AMD1: variants seen among roughly 807,000 people sequenced by gnomAD.
AMD1 encodes the protein adenosylmethionine decarboxylase 1, also known as S-adenosylmethionine decarboxylase proenzyme.
In AMD1, 11 loss-of-function variants were observed where a neutral mutation model predicts 40.2. The observed-to-expected ratio is 0.27, with a 90% confidence interval of 0.17 to 0.45. The LOEUF (loss-of-function observed/expected upper bound fraction) is 0.45, where lower values mean the gene tolerates loss of function less well. Ranked by LOEUF, AMD1 falls within the 20% of genes least tolerant of loss-of-function variation. The pLI is 1.00. For missense variants in AMD1, 257 were observed against 410.2 expected (o/e 0.63, Z 3.23); for synonymous variants, 121 against 130.8 (o/e 0.93, Z 0.51).
the AMD1 span, among the ~76,000 whole-genome samples, chr6:110,837,747 T>TAA: frequency 1.4e-5 from 1 of 71,348 alleles, no homozygotes; most frequent in African/African-American, 5.8e-5. Context: ...AAAAAAAAAA[T>TAA]ATATATATAT....
chr6:110,889,175 T>C, intron 3 of AMD1, 192 bp downstream of exon 3: 1 of 446,764 alleles, frequency 2.2e-6, no homozygotes, highest in Admixed American at 4.7e-5. Flanking sequence ...GAGAATGAGT[T>C]AGGATGAAAT....
the AMD1 span, among the ~76,000 whole-genome samples, chr6:110,823,879 A>G: frequency 4.7e-4 from 72 of 152,368 alleles, no homozygotes; most frequent in Non-Finnish European, 8.4e-4. Context: ...TGACACAAAC[A>G]AATGGAAATA....
At chr6:110,839,931 A>G in the AMD1 span, among the ~76,000 whole-genome samples, 1 of 152,076 alleles carries the variant, frequency 6.6e-6, no homozygotes, top group Admixed American at 6.6e-5. Flanking sequence ...TTTCCATAAA[A>G]ATGTGCCTGC....
chr6:110,891,720 ACTGTT>A, intron 4 of AMD1: 2 of 178,010 alleles, frequency 1.1e-5, no homozygotes, highest in South Asian at 1.2e-4. Flanking sequence ...GAATTTACCT[ACTGTT>A]TCCATTCCTT....
chr6:110,863,093 C>T, the AMD1 span, among the ~76,000 whole-genome samples: 1 of 152,030 alleles, frequency 6.6e-6, no homozygotes, highest in South Asian at 2.1e-4. Context: ...TACAGGCACC[C>T]ACCACCACGC....
chr6:110,858,419 TG>T, the AMD1 span: 2 of 858,132 alleles, frequency 2.3e-6, no homozygotes, highest in South Asian at 2.7e-5. Context: ...GATTAGTTTA[TG>T]GACACTCATG....
At chr6:110,817,080 C>A in the AMD1 span, among the ~76,000 whole-genome samples, 1 of 152,128 alleles carries the variant, frequency 6.6e-6, no homozygotes, top group Middle Eastern at 3.2e-3. Flanking sequence ...TAATGGTGAG[C>A]CTAATGTCCC....
the AMD1 span, among the ~76,000 whole-genome samples, chr6:110,819,682 A>T: frequency 6.6e-6 from 1 of 152,104 alleles, no homozygotes; most frequent in Non-Finnish European, 1.5e-5. Context: ...AACCACAGTG[A>T]CTCCATCTTG....
chr6:110,846,861 C>A, the AMD1 span, among the ~76,000 whole-genome samples: 1 of 151,750 alleles, frequency 6.6e-6, no homozygotes, highest in Non-Finnish European at 1.5e-5. Flanking sequence ...CAGAGCAAGA[C>A]TCTGTCTCAA....
At chr6:110,876,137 G>A (rs1278371401) in intron 1 of AMD1, among the ~76,000 whole-genome samples, 1 of 152,210 alleles carries the variant, frequency 6.6e-6, no homozygotes, top group Non-Finnish European at 1.5e-5. Context: ...AGAGATACTT[G>A]GGCTGACCGC....
At chr6:110,834,615 G>C in the AMD1 span, among the ~76,000 whole-genome samples, 6 of 152,028 alleles carry the variant, frequency 3.9e-5, no homozygotes, top group African/African-American at 1.2e-4. Flanking sequence ...TTGAGCTCAG[G>C]AGTTCAAGAT....
At chr6:110,857,511 C>T in the AMD1 span, among the ~76,000 whole-genome samples, 1 of 132,746 alleles carries the variant, frequency 7.5e-6, no homozygotes, top group Non-Finnish European at 1.7e-5. Context: ...CCAGCCTGGG[C>T]AACAAGTGAA....
chr6:110,892,722 T>TA lies in AMD1; in HGVS notation c.616-13_616-12insA. On this transcript the variant is annotated splice_polypyrimidine_tract_variant and intron_variant, in intron 6 of 8. Coordinates refer to ENST00000368885, the MANE Select transcript of AMD1 (RefSeq NM_001634.6). ...TCAAACCCTTGTTAAACTCGGTCTT[T>TA]TTCCCCCCCCAGGAGAGTGGAATTC... 1.3e-6 allele frequency: 2 copies of TA among 1,509,768 alleles called. No individual in the cohort carries two copies. The highest frequency in any genetic ancestry group is 1.8e-6 in the Non-Finnish European group (2 of 1,131,848). 93.5% of individuals were successfully genotyped at this position (1,509,768 alleles called of 1,614,324 possible). A position where few individuals can be genotyped will look rare whatever the true frequency, so the allele number is the denominator to read the frequency against.
the AMD1 span, chr6:110,815,542 C>G: frequency 1.3e-5 from 2 of 158,008 alleles, no homozygotes; most frequent in Non-Finnish European, 1.4e-5. Context: ...GCGGTTTTGC[C>G]GGCGTAAGAA....
At chr6:110,887,766 A>G (rs1381857019) in intron 2 of AMD1, among the ~76,000 whole-genome samples, 175 bp downstream of exon 2, 1 of 151,920 alleles carries the variant, frequency 6.6e-6, no homozygotes, top group Non-Finnish European at 1.5e-5. Flanking sequence ...GCTCACTGCA[A>G]CCTCCGCCTC....
At chr6:110,820,240 C>CTTTT in the AMD1 span, among the ~76,000 whole-genome samples, 37 of 142,002 alleles carry the variant, frequency 2.6e-4, no homozygotes, top group South Asian at 4.5e-4. Context: ...TTCTTTCTTT[C>CTTTT]TTTTTTTTTT....
chr6:110,881,676 C>A (rs1022920091), intron 1 of AMD1, among the ~76,000 whole-genome samples: 3 of 151,924 alleles, frequency 2.0e-5, no homozygotes, highest in Admixed American at 2.0e-4. Flanking sequence ...AAAAAATTAG[C>A]CTGACATGGT....
intron 1 of AMD1, among the ~76,000 whole-genome samples, chr6:110,885,415 G>C (rs540160448): frequency 0.027 from 976 of 36,508 alleles, 12 homozygotes; most frequent in African/African-American, 0.089. Context: ...GCCTGGCCAA[G>C]TTTTTGTTGT....
the AMD1 span, among the ~76,000 whole-genome samples, chr6:110,859,371 C>T: frequency 6.6e-6 from 1 of 152,022 alleles, no homozygotes; most frequent in African/African-American, 2.4e-5. Context: ...TATCCCCATA[C>T]GTGTAGGGTA....
Sources: allele counts gnomAD v4.1 joint callset (sites outside exome capture counted in the v4.1 genomes callset), GRCh38; gene constraint gnomAD v4.1.1; transcripts MANE v1.5; gene names NCBI Gene and HGNC (gene_info 2026-07-23, HGNC 2026-07-21).